The following SEC14L5 variants were observed in gnomAD, a reference collection of about 807,000 sequenced individuals.
The protein encoded by SEC14L5 is SEC14-like protein 5.
A neutral mutation model predicts 84.6 loss-of-function variants in SEC14L5; 96 were observed. That is an observed-to-expected ratio of 1.13 (90% confidence interval 0.96 to 1.34). The LOEUF (loss-of-function observed/expected upper bound fraction) is 1.34, where lower values mean the gene tolerates loss of function less well. Among genes scored for constraint, SEC14L5 ranks in the 40% most tolerant of loss-of-function variants. The pLI is 0.00. For missense variants in SEC14L5, 1,224 were observed against 942.5 expected (o/e 1.30, Z -3.91); for synonymous variants, 546 against 383.4 (o/e 1.42, Z -4.95).
At chr16:5,003,624 G>GGGGGGGGGTGCCCCCC in intron 11 of SEC14L5, 51 bp downstream of exon 11, 1 of 305,312 alleles carries the variant, frequency 3.3e-6, no homozygotes. Context: ...GGTGGGATGG[G>GGGGGGGGGTGCCCCCC]AGGGGTTCCG....
chr16:4,973,520 C>T (rs11864122), intron 2 of SEC14L5, among the ~76,000 whole-genome samples: 42,604 of 149,264 alleles, frequency 0.29, 6,111 homozygotes, highest in Admixed American at 0.35. Context: ...AGCACCCCTA[C>T]GAAAAGTTGG....
chr16:4,961,869 A>C (rs1043572353), intron 2 of SEC14L5, among the ~76,000 whole-genome samples: 2 of 152,134 alleles, frequency 1.3e-5, no homozygotes, highest in African/African-American at 4.8e-5. Context: ...TGAATGAACA[A>C]GTGCTTGGGT....
intron 8 of SEC14L5, among the ~76,000 whole-genome samples, chr16:4,998,763 A>T (rs1321305839): frequency 4.6e-5 from 7 of 151,436 alleles, no homozygotes; most frequent in East Asian, 1.9e-4. Context: ...AAAAAAAAAA[A>T]AAATAAACGT....
At chr16:4,973,676 G>GTT (rs1568111175) in intron 2 of SEC14L5, among the ~76,000 whole-genome samples, 9 of 141,230 alleles carry the variant, frequency 6.4e-5, no homozygotes, top group Admixed American at 2.2e-4. Flanking sequence ...TTTTTTCTCT[G>GTT]TCTCTTTTTT....
Position 4,999,159 on chromosome 16 carries a change from C to G in SEC14L5, c.971-1496C>G, listed in dbSNP as rs575081730. The stretch of plus-strand genomic sequence containing the variant: ...TGCCTCTTCGTGTAGTGCAGAATTG[C>G]GCCTAGCTTTCCTAAGGATGAGCAA... On this transcript the variant is annotated intron_variant, in intron 8 of 15. Coordinates refer to ENST00000251170, the MANE Select transcript of SEC14L5 (RefSeq NM_014692.2). Among the ~76,000 whole-genome samples the G allele has an allele frequency of 2.0e-5, 3 of 152,248 alleles. No individual in the cohort carries two copies. The East Asian group carries it at 5.8e-4, about 29-fold the overall frequency.
chr16:4,991,353 G>T (rs560177222), intron 5 of SEC14L5, among the ~76,000 whole-genome samples: 1 of 151,880 alleles, frequency 6.6e-6, no homozygotes, highest in East Asian at 1.9e-4. Flanking sequence ...TTGAGCCCAG[G>T]AATTTCAGAG....
intron 2 of SEC14L5, among the ~76,000 whole-genome samples, chr16:4,965,079 A>C (rs975621959): frequency 6.6e-6 from 1 of 152,192 alleles, no homozygotes; most frequent in African/African-American, 2.4e-5. Context: ...TGATTGACAC[A>C]TAAAAAGCTA....
chr16:4,975,767 A>C (rs1955332166), intron 2 of SEC14L5, among the ~76,000 whole-genome samples: 1 of 152,246 alleles, frequency 6.6e-6, no homozygotes, highest in East Asian at 1.9e-4. Context: ...CTAGACTTGC[A>C]GGGGGAAGGA....
chr16:4,997,385 C>T (rs556770655), intron 8 of SEC14L5, among the ~76,000 whole-genome samples: 26 of 152,340 alleles, frequency 1.7e-4, no homozygotes, highest in African/African-American at 5.5e-4. Context: ...CAGGCATGAG[C>T]CACCGCACCC....
intron 2 of SEC14L5, among the ~76,000 whole-genome samples, chr16:4,981,456 G>A (rs977859604): frequency 6.6e-6 from 1 of 151,908 alleles, no homozygotes; most frequent in East Asian, 1.9e-4. Context: ...AAATCATTTC[G>A]TTTGGGAAAC....
intron 8 of SEC14L5, among the ~76,000 whole-genome samples, chr16:4,999,144 T>A (rs2142516448): frequency 6.6e-6 from 1 of 152,308 alleles, no homozygotes. Context: ...TGCCTCTTCG[T>A]GTAGTGCAGA....
At chr16:4,961,001 G>A (rs1955113837) in intron 2 of SEC14L5, among the ~76,000 whole-genome samples, 1 of 152,192 alleles carries the variant, frequency 6.6e-6, no homozygotes. Flanking sequence ...GCCGGGTGCA[G>A]TGGCTCACAC....
intron 2 of SEC14L5, among the ~76,000 whole-genome samples, chr16:4,964,133 C>G (rs536505951): frequency 1.3e-5 from 2 of 152,282 alleles, no homozygotes; most frequent in Non-Finnish European, 1.5e-5. Flanking sequence ...TTTGAATGCC[C>G]GGGTCCCAGA....
Position 5,017,957 on chromosome 16 carries a change from A to T in SEC14L5, c.*2987A>T, listed in dbSNP as rs1399211631. The T allele has an allele frequency of 1.3e-5, 2 of 152,206 alleles. No individual in the cohort carries two copies. Among genetic ancestry groups the T allele is most frequent in the African/African-American group, 4.8e-5 (2 of 41,458 alleles). The allele number at this position is 152,206 out of a possible 1,614,324, so 9.4% of individuals were successfully genotyped here. On this transcript the variant is annotated 3_prime_UTR_variant, in exon 16 of 16. Coordinates refer to ENST00000251170, the MANE Select transcript of SEC14L5 (RefSeq NM_014692.2). ...AGTTCATTAATCCATTGTGACCAGG[A>T]CAGAAGCAACCCACAAGCAGCATTA...
chr16:4,963,123 C>G (rs1016702284), intron 2 of SEC14L5, among the ~76,000 whole-genome samples: 4 of 152,192 alleles, frequency 2.6e-5, no homozygotes, highest in South Asian at 4.1e-4. Flanking sequence ...TTCTTCAAAA[C>G]TCCACTGACA....
chr16:5,013,481 G>T (rs1955831597), intron 15 of SEC14L5, among the ~76,000 whole-genome samples: 1 of 151,340 alleles, frequency 6.6e-6, no homozygotes, highest in Admixed American at 6.6e-5. Context: ...TGAACTCCCG[G>T]GCTCAAGCAA....
intron 1 of SEC14L5, among the ~76,000 whole-genome samples, 162 bp downstream of exon 1, chr16:4,958,607 C>T (rs1478088396): frequency 1.3e-5 from 2 of 152,068 alleles, no homozygotes; most frequent in East Asian, 1.9e-4. Context: ...ATTGCCTCTA[C>T]GTGTGTGTAC....
At chr16:4,967,267 C>T (rs1313783851) in intron 2 of SEC14L5, among the ~76,000 whole-genome samples, 5 of 152,186 alleles carry the variant, frequency 3.3e-5, no homozygotes, top group Admixed American at 3.3e-4. Context: ...CTTGGGACAG[C>T]AGAACTCCAG....
chr16:4,966,189 A>C (rs979250869), intron 2 of SEC14L5, among the ~76,000 whole-genome samples: 6 of 151,534 alleles, frequency 4.0e-5, no homozygotes, highest in Non-Finnish European at 4.4e-5. Context: ...GATGGTGTCA[A>C]TCTCCTGACC....
Sources: allele counts gnomAD v4.1 joint callset (sites outside exome capture counted in the v4.1 genomes callset), GRCh38; gene constraint gnomAD v4.1.1; transcripts MANE v1.5; gene names NCBI Gene and HGNC (gene_info 2026-07-23, HGNC 2026-07-21).